The following KCNJ15 variants were observed in gnomAD, a reference collection of about 807,000 sequenced individuals.
The protein encoded by KCNJ15 is ATP-sensitive inward rectifier potassium channel 15.
Under a neutral mutation model 23.0 loss-of-function variants are expected in KCNJ15, and 14 were observed. The ratio of observed to expected loss-of-function variants is 0.61; its 90% CI spans 0.40 to 0.95. The LOEUF (loss-of-function observed/expected upper bound fraction) is 0.95. Ranked by LOEUF, KCNJ15 falls within the 40% of genes least tolerant of loss-of-function variation. The pLI is 0.00. For synonymous variants in KCNJ15, 185 were observed against 183.2 expected (o/e 1.01, Z -0.08); for missense variants, 388 against 461.8 (o/e 0.84, Z 1.46).
At chr21:38,298,803 T>G (rs1985433984) in intron 2 of KCNJ15, among the ~76,000 whole-genome samples, 1 of 152,216 alleles carries the variant, frequency 6.6e-6, no homozygotes, top group Non-Finnish European at 1.5e-5. Context: ...TAGCTGAATA[T>G]AAGCAAACAT....
In KCNJ15 at chr21:38,299,460, C is replaced by T; in HGVS notation, c.199C>T (p.Leu67Phe). The T allele has an allele frequency of 1.2e-6, 2 of 1,614,180 alleles. No individual in the cohort carries two copies. The highest frequency in any genetic ancestry group is 1.7e-6 in the Non-Finnish European group (2 of 1,179,994). ...TATCGACATGAAGTGGAGATACAAA[C>T]TCACCCTGTTCGCTGCCACTTTTGT... ...TVIDMKWRYK[L>F]TLFAATFVMT... Residue 67 changes from leucine to phenylalanine, a missense_variant, in exon 3 of 3, where the codon CTC (leucine) becomes TTC (phenylalanine). Physicochemically the swap from Leu to Phe is conservative, Grantham distance 22. Coordinates refer to ENST00000398938, the MANE Select transcript of KCNJ15 (RefSeq NM_170736.3). This position sits in a 1 kb window ranked among gnomAD's most constrained non-coding sequence, Gnocchi z 4.5.
At chr21:38,292,700 G>A (rs939106394) in intron 1 of KCNJ15, among the ~76,000 whole-genome samples, 19 of 152,158 alleles carry the variant, frequency 1.2e-4, no homozygotes, top group African/African-American at 4.6e-4. Context: ...TGGGTGCAGT[G>A]GCTCTCAACT....
chr21:38,282,171 T>A (rs9975143), intron 1 of KCNJ15, among the ~76,000 whole-genome samples: 7,857 of 152,230 alleles, frequency 0.052, 244 homozygotes, highest in South Asian at 0.076. Flanking sequence ...TTTTAAAATA[T>A]GTATAAGATA....
intron 1 of KCNJ15, among the ~76,000 whole-genome samples, chr21:38,246,440 T>C (rs1979379595): frequency 6.6e-6 from 1 of 152,258 alleles, no homozygotes; most frequent in South Asian, 2.1e-4. Context: ...ATTCTGAGGC[T>C]GCTTTTGATT....
At chr21:38,296,498 A>G (rs887211722) in intron 1 of KCNJ15, 1 of 152,174 alleles carries the variant, frequency 6.6e-6, no homozygotes, top group Non-Finnish European at 1.5e-5. Context: ...GGTTCTGACA[A>G]TCTTTTCCAC....
intron 1 of KCNJ15, among the ~76,000 whole-genome samples, chr21:38,239,710 A>T (rs1036824395): frequency 1.3e-5 from 2 of 152,228 alleles, no homozygotes; most frequent in Non-Finnish European, 2.9e-5. Context: ...TAAAGTAAAA[A>T]ATTGAGTTAC....
At chr21:38,286,938 T>A (rs1983971591) in intron 1 of KCNJ15, among the ~76,000 whole-genome samples, 1 of 152,238 alleles carries the variant, frequency 6.6e-6, no homozygotes, top group Non-Finnish European at 1.5e-5. Context: ...TCCAGTCATT[T>A]CAGAGACCTT....
At chr21:38,283,319 G>T (rs1240965300) in intron 1 of KCNJ15, among the ~76,000 whole-genome samples, 3 of 152,146 alleles carry the variant, frequency 2.0e-5, no homozygotes, top group Non-Finnish European at 4.4e-5. Flanking sequence ...GGAAAATCTG[G>T]TTGAAAAACC....
chr21:38,263,733 G>T (rs1488485233), intron 1 of KCNJ15, among the ~76,000 whole-genome samples: 2 of 151,874 alleles, frequency 1.3e-5, no homozygotes, highest in East Asian at 4.0e-4. Context: ...GCTCCATTTA[G>T]GTGTAAGTTG....
At position 38,306,914 on chromosome 21, in the gene KCNJ15, C is replaced by G. The variant is rs1019480515; in HGVS notation, c.*6525C>G. On this transcript the variant is annotated 3_prime_UTR_variant, in exon 3 of 3. Transcript: ENST00000398938. ...CATGTAGATTTTATATGCAAACAAT[C>G]CCACTGCTTGTAACTCCTGGCAGTG... 1 of 152,194 alleles carries G rather than the reference C, an allele frequency of 6.6e-6. No individual in the cohort carries two copies. Among genetic ancestry groups the G allele is most frequent in the Non-Finnish European group, 1.5e-5 (1 of 68,034 alleles). The allele number at this position is 152,194 out of a possible 1,614,324, so 9.4% of individuals were successfully genotyped here.
chr21:38,250,414 G>C (rs1979744935), intron 1 of KCNJ15, among the ~76,000 whole-genome samples: 2 of 152,154 alleles, frequency 1.3e-5, no homozygotes, highest in Non-Finnish European at 2.9e-5. Context: ...CTACATGCTG[G>C]AGCAAATAAA....
chr21:38,234,579 G>C (rs79445652), intron 1 of KCNJ15, among the ~76,000 whole-genome samples: 2,957 of 152,286 alleles, frequency 0.019, 89 homozygotes, highest in African/African-American at 0.065. Flanking sequence ...AGTTATTAAC[G>C]AGAGTTTCAC....
intron 1 of KCNJ15, among the ~76,000 whole-genome samples, chr21:38,243,058 T>C (rs1289401571): frequency 6.6e-6 from 1 of 152,246 alleles, no homozygotes; most frequent in Non-Finnish European, 1.5e-5. Context: ...GTTATTGAAC[T>C]TCTCTTGCTT....
At chr21:38,236,483 T>A (rs1405421222) in intron 1 of KCNJ15, among the ~76,000 whole-genome samples, 1 of 152,204 alleles carries the variant, frequency 6.6e-6, no homozygotes, top group African/African-American at 2.4e-5. Context: ...TGGTGCTCCA[T>A]AAACATGCCG....
chr21:38,260,523 A>G (rs1980772511), intron 1 of KCNJ15, among the ~76,000 whole-genome samples: 1 of 152,238 alleles, frequency 6.6e-6, no homozygotes, highest in Admixed American at 6.5e-5. Context: ...AGTTCACACA[A>G]CCTAATTCCA....
At chr21:38,262,474 C>T (rs1056428484) in intron 1 of KCNJ15, among the ~76,000 whole-genome samples, 5 of 152,072 alleles carry the variant, frequency 3.3e-5, no homozygotes, top group African/African-American at 1.2e-4. Context: ...ACATTAATAA[C>T]AAAACTGACT....
rs943374273 is a variant in KCNJ15 at position 38,278,806 on chromosome 21, A to G, written c.-116-18120A>G. On this transcript the variant is annotated intron_variant, in intron 1 of 2. Transcript: ENST00000398938. Reference sequence around the variant, plus strand: ...GCATGACCTGACCAGGTAACAACCTAAGGAGTGGCTGGCACTAAGGCAGGT... The same window carrying G: ...GCATGACCTGACCAGGTAACAACCTGAGGAGTGGCTGGCACTAAGGCAGGT... Among the ~76,000 whole-genome samples the G allele has an allele frequency of 3.3e-5, 5 of 152,298 alleles. No individual in the cohort carries two copies. The East Asian group carries it at 9.7e-4, about 29-fold the overall frequency.
At chr21:38,261,170 C>T (rs1980850455) in intron 1 of KCNJ15, among the ~76,000 whole-genome samples, 1 of 152,184 alleles carries the variant, frequency 6.6e-6, no homozygotes, top group African/African-American at 2.4e-5. Context: ...GTCGGAGCTG[C>T]CCTGGTGTTG....
upstream of KCNJ15, among the ~76,000 whole-genome samples, chr21:38,255,740 A>G (rs1333809479): frequency 1.3e-5 from 2 of 152,144 alleles, no homozygotes; most frequent in Non-Finnish European, 2.9e-5. Flanking sequence ...TCCAGCTCCC[A>G]CTTAGTTCAA....
Sources: gnomAD v4.1 joint callset for allele counts (sites outside exome capture counted in the v4.1 genomes callset) on GRCh38, gnomAD v4.1.1 for gene constraint, Gnocchi (gnomAD v3.1) non-coding constraint, MANE v1.5 for transcripts, NCBI Gene and HGNC (gene_info 2026-07-23, HGNC 2026-07-21) for gene names.